Variants in EFL1 observed in about 807,000 individuals in gnomAD.
EFL1 encodes elongation factor-like GTPase 1.
A neutral mutation model predicts 126.7 loss-of-function variants in EFL1; 76 were observed. That is an observed-to-expected ratio of 0.60 (90% CI 0.50 to 0.73). EFL1 has a LOEUF of 0.73. Among genes scored for constraint, EFL1 ranks in the 30% least tolerant of loss-of-function variants. EFL1 has a pLI of 0.00. For synonymous variants in EFL1, 410 were observed against 448.4 expected (o/e 0.91, Z 1.08); for missense variants, 1,128 against 1,343.2 (o/e 0.84, Z 2.50).
rs146638200 is a variant in EFL1 at position 82,165,818 on chromosome 15, A to G, written c.1751-1834T>C. On this transcript the variant is annotated intron_variant, in intron 15 of 19. Coordinates refer to ENST00000268206, the MANE Select transcript of EFL1 (RefSeq NM_024580.6). ...TCATTAGCTCCTTTAACTAATCAGCACAGGACATGATTTACAGACCTTTTG... is the reference window on the plus strand; with the variant it reads ...TCATTAGCTCCTTTAACTAATCAGCGCAGGACATGATTTACAGACCTTTTG... Among the ~76,000 whole-genome samples the G allele has an allele frequency of 3.9e-5, 6 of 152,322 alleles. No homozygotes were observed. The East Asian group carries it at 1.2e-3, about 29-fold the overall frequency.
intron 16 of EFL1, among the ~76,000 whole-genome samples, chr15:82,161,053 C>G (rs762763730): frequency 2.0e-5 from 3 of 152,084 alleles, no homozygotes; most frequent in Non-Finnish European, 2.9e-5. Context: ...TAGAGGGTGG[C>G]TGCCATGAGA....
chr15:82,135,303 T>A (rs1461145406), intron 19 of EFL1, among the ~76,000 whole-genome samples: 3 of 151,842 alleles, frequency 2.0e-5, no homozygotes, highest in Non-Finnish European at 2.9e-5. Flanking sequence ...TTTAAGATTT[T>A]CTTTTTAAAT....
At chr15:82,209,217 T>TC (rs1028751109) in intron 15 of EFL1, among the ~76,000 whole-genome samples, 1 of 152,104 alleles carries the variant, frequency 6.6e-6, no homozygotes, top group African/African-American at 2.4e-5. Flanking sequence ...TACTGAGCTT[T>TC]CCCTTGAAAT....
chr15:82,185,212 T>C (rs1049658442), intron 15 of EFL1, among the ~76,000 whole-genome samples: 29 of 131,454 alleles, frequency 2.2e-4, no homozygotes, highest in African/African-American at 4.1e-4. Context: ...TGTGTGTGTG[T>C]GTGCGTTCCT....
chr15:82,143,453 T>C (rs2073810216), intron 18 of EFL1, among the ~76,000 whole-genome samples: 1 of 152,208 alleles, frequency 6.6e-6, no homozygotes, highest in Admixed American at 6.5e-5. Context: ...ACTTATGCAC[T>C]AACTTTAATT....
intron 12 of EFL1, 65 bp from the exon 13 acceptor site, chr15:82,220,294 G>T: frequency 6.6e-7 from 1 of 1,507,540 alleles, no homozygotes; most frequent in South Asian, 1.4e-5. Flanking sequence ...AGCAAGCATT[G>T]ACATGGCTGG....
rs996481708 is a variant in EFL1, at chr15:82,164,989, T to A, written c.1751-1005A>T. ...ATTTTAGAACAAATTAAGAAACACATACAAAGGGCCAGTGCAGTGGCTCAT... is the reference window on the plus strand; with the variant it reads ...ATTTTAGAACAAATTAAGAAACACAAACAAAGGGCCAGTGCAGTGGCTCAT... On this transcript the variant is annotated intron_variant, in intron 15 of 19. Transcript: ENST00000268206. 3.2e-4 allele frequency among the ~76,000 whole-genome samples: 48 copies of A among 147,956 alleles called. 4 individuals are homozygous for A. The highest frequency in any genetic ancestry group is 4.5e-5 in the Non-Finnish European group (3 of 66,920).
Position 82,194,153 on chromosome 15 carries a change from T to G in EFL1, c.1750+20564A>C, listed in dbSNP as rs1489379229. ...TTCCACAGCTGGGTTTGGTCAGTAG[T>G]GCCATTGGGCGGACTGGATCTTCAG... On this transcript the variant is annotated intron_variant, in intron 15 of 19. Transcript: ENST00000268206. Among the ~76,000 whole-genome samples, 4 of 152,202 alleles carry G rather than the reference T, an allele frequency of 2.6e-5. No homozygotes were observed. The East Asian group carries it at 7.7e-4, about 29-fold the overall frequency.
chr15:82,234,440 A>C (rs2074852362), intron 7 of EFL1, among the ~76,000 whole-genome samples: 1 of 152,144 alleles, frequency 6.6e-6, no homozygotes, highest in African/African-American at 2.4e-5. Context: ...GCAGGTTCAC[A>C]ATTTCTATTT....
chr15:82,152,455 G>T, intron 17 of EFL1, 32 bp from the exon 18 acceptor site: 1 of 1,546,044 alleles, frequency 6.5e-7, no homozygotes. Flanking sequence ...ATAACAGAAG[G>T]TTAAAATCAA....
At chr15:82,130,630 C>T (rs2141203393) in intron 19 of EFL1, 69 bp from the exon 20 acceptor site, 1 of 1,522,488 alleles carries the variant, frequency 6.6e-7, no homozygotes, top group Non-Finnish European at 9.0e-7. Context: ...TCACTGAGCT[C>T]CCCAATTTAT....
chr15:82,261,289 A>C (rs2075113893), intron 2 of EFL1, among the ~76,000 whole-genome samples: 2 of 152,066 alleles, frequency 1.3e-5, no homozygotes, highest in Admixed American at 6.5e-5. Flanking sequence ...ATAAATCTCC[A>C]CCTTCAGACA....
At chr15:82,139,181 G>A (rs189713598) in intron 18 of EFL1, among the ~76,000 whole-genome samples, 3 of 152,286 alleles carry the variant, frequency 2.0e-5, no homozygotes, top group Non-Finnish European at 2.9e-5. Context: ...CCAATGAGAT[G>A]AGTGACTGGG....
chr15:82,155,580 T>C (rs2073959376), intron 17 of EFL1, among the ~76,000 whole-genome samples: 1 of 152,228 alleles, frequency 6.6e-6, no homozygotes, highest in African/African-American at 2.4e-5. Context: ...GTGTTGTGTA[T>C]ATACAGGTAC....
At chr15:82,218,047 G>C (rs1006350997) in intron 14 of EFL1, among the ~76,000 whole-genome samples, 6 of 152,142 alleles carry the variant, frequency 3.9e-5, no homozygotes, top group African/African-American at 1.2e-4. Flanking sequence ...CTTGGAAGCA[G>C]GTTCTTCATC....
At chr15:82,244,921 G>C (rs764002210) in intron 4 of EFL1, among the ~76,000 whole-genome samples, 33 of 152,110 alleles carry the variant, frequency 2.2e-4, no homozygotes, top group Admixed American at 5.2e-4. Flanking sequence ...AAAAACTGAA[G>C]TTATGGAAGA....
At chr15:82,180,364 A>AC (rs1491335807) in intron 15 of EFL1, among the ~76,000 whole-genome samples, 2 of 85,204 alleles carry the variant, frequency 2.3e-5, no homozygotes, top group Non-Finnish European at 4.6e-5. Flanking sequence ...ACTGGCAAAA[A>AC]AAAAAAAACA....
chr15:82,170,106 C>CTTTTT (rs760955432), intron 15 of EFL1, among the ~76,000 whole-genome samples: 5 of 78,856 alleles, frequency 6.3e-5, no homozygotes, highest in African/African-American at 1.0e-4. Flanking sequence ...CACTGGATGT[C>CTTTTT]TTTTTTTTTT....
chr15:82,144,064 A>G (rs1396567167), intron 18 of EFL1, among the ~76,000 whole-genome samples: 1 of 152,102 alleles, frequency 6.6e-6, no homozygotes, highest in Non-Finnish European at 1.5e-5. Flanking sequence ...GCTGTTGGAG[A>G]CCAACCTGGG....
Sources: gnomAD v4.1 joint callset for allele counts (sites outside exome capture counted in the v4.1 genomes callset) on GRCh38, gnomAD v4.1.1 for gene constraint, MANE v1.5 for transcripts, NCBI Gene and HGNC (gene_info 2026-07-23, HGNC 2026-07-21) for gene names.